ROCK1: variants seen among roughly 807,000 people sequenced by gnomAD.
ROCK1 encodes the protein Rho associated coiled-coil containing protein kinase 1, also known as rho-associated protein kinase 1.
ROCK1 carries 36 observed loss-of-function variants against 196.8 expected under a neutral mutation model. The ratio of observed to expected loss-of-function variants is 0.18; its 90% confidence interval spans 0.14 to 0.24. The LOEUF is 0.24. ROCK1 is among the 10% of genes least tolerant of loss of function. The pLI is 1.00. For synonymous variants in ROCK1, 443 were observed against 515.9 expected (o/e 0.86, Z 1.91); for missense variants, 920 against 1,562.0 (o/e 0.59, Z 6.93).
chr18:21,055,013 G>C (rs1242841438), intron 2 of ROCK1, among the ~76,000 whole-genome samples: 1 of 152,046 alleles, frequency 6.6e-6, no homozygotes, highest in Non-Finnish European at 1.5e-5. Context: ...TTCCCTCGTT[G>C]CACTGATAGC....
Position 21,088,009 on chromosome 18 carries a change from T to C in ROCK1, c.94-17396A>G, listed in dbSNP as rs548243301. Among the ~76,000 whole-genome samples, 10 of 152,244 alleles carry C rather than the reference T, an allele frequency of 6.6e-5. No individual in the cohort carries two copies. In the East Asian group the frequency reaches 1.7e-3, roughly 26 times the overall value. On this transcript the variant is annotated intron_variant, in intron 1 of 32. Transcript: ENST00000399799. ...CAAACTACAATAAATAAGAAAAAGA[T>C]AGTAGGGAAATCTCCAAACACTTGG...
chr18:21,102,195 TTTTG>T (rs976877676), intron 1 of ROCK1, among the ~76,000 whole-genome samples: 36 of 152,322 alleles, frequency 2.4e-4, no homozygotes, highest in African/African-American at 7.5e-4. Context: ...AAAATTGTGA[TTTTG>T]TTTGTCTACG....
intron 19 of ROCK1, among the ~76,000 whole-genome samples, chr18:20,984,948 A>G (rs540774322): frequency 1.3e-5 from 2 of 152,086 alleles, no homozygotes; most frequent in African/African-American, 2.4e-5. Flanking sequence ...CCCTGTCTCT[A>G]CAAAAAAATA....
At chr18:21,109,913 G>A (rs75697081) in intron 1 of ROCK1, among the ~76,000 whole-genome samples, 1 of 152,044 alleles carries the variant, frequency 6.6e-6, no homozygotes, top group Non-Finnish European at 1.5e-5. Flanking sequence ...CCATATACAT[G>A]CTCCCTGAAA....
At chr18:21,007,852 CTACT>C (rs1431754579) in intron 14 of ROCK1, among the ~76,000 whole-genome samples, 2 of 152,158 alleles carry the variant, frequency 1.3e-5, no homozygotes, top group East Asian at 3.9e-4. Context: ...TAGTTAAATG[CTACT>C]TACTATTTAC....
intron 12 of ROCK1, among the ~76,000 whole-genome samples, chr18:21,015,979 C>CAA (rs561684521): frequency 4.7e-5 from 6 of 127,168 alleles, no homozygotes; most frequent in Non-Finnish European, 1.7e-5. Context: ...GACTCCATCT[C>CAA]AAAAAAAAAA....
intron 8 of ROCK1, 41 bp downstream of exon 8, chr18:21,042,056 G>A: frequency 6.4e-7 from 1 of 1,561,938 alleles, no homozygotes; most frequent in South Asian, 1.2e-5. Context: ...AAGATGAGAA[G>A]TCCTCAGAAT....
chr18:21,089,504 C>A (rs1443896351), intron 1 of ROCK1, among the ~76,000 whole-genome samples: 2 of 152,162 alleles, frequency 1.3e-5, no homozygotes, highest in African/African-American at 4.8e-5. Flanking sequence ...TGGTTTGAAG[C>A]GTGAAAATCT....
intron 1 of ROCK1, among the ~76,000 whole-genome samples, chr18:21,101,210 G>A (rs2036656736): frequency 6.6e-6 from 1 of 152,118 alleles, no homozygotes; most frequent in South Asian, 2.1e-4. Flanking sequence ...AATGTGAAAG[G>A]AATAACAGAA....
chr18:21,108,143 G>A (rs1426442797), intron 1 of ROCK1, among the ~76,000 whole-genome samples: 2 of 152,038 alleles, frequency 1.3e-5, no homozygotes, highest in South Asian at 2.1e-4. Context: ...AAACAGCTGT[G>A]GAACTAAACA....
intron 21 of ROCK1, among the ~76,000 whole-genome samples, chr18:20,981,933 C>A (rs1287216863): frequency 6.6e-6 from 1 of 152,098 alleles, no homozygotes; most frequent in Admixed American, 6.6e-5. Context: ...AGAAAAAAGA[C>A]AAATCTTAAA....
At chr18:21,036,950 A>G (rs1323234632) in intron 9 of ROCK1, among the ~76,000 whole-genome samples, 1 of 152,126 alleles carries the variant, frequency 6.6e-6, no homozygotes, top group African/African-American at 2.4e-5. Context: ...ACTGCCAACA[A>G]TTGTCAATTC....
chr18:21,099,113 T>A (rs1210732718), intron 1 of ROCK1, among the ~76,000 whole-genome samples: 1 of 152,088 alleles, frequency 6.6e-6, no homozygotes, highest in Admixed American at 6.6e-5. Flanking sequence ...CTGGTAAAAA[T>A]ATAAACAACT....
chr18:21,074,027 G>T (rs561196842), intron 1 of ROCK1, among the ~76,000 whole-genome samples: 15 of 152,072 alleles, frequency 9.9e-5, no homozygotes, highest in African/African-American at 3.4e-4. Context: ...GCGTGGTGCC[G>T]CATGCTTGCA....
chr18:20,982,642 T>C (rs1274909225), intron 21 of ROCK1, 121 bp downstream of exon 21: 3 of 542,440 alleles, frequency 5.5e-6, no homozygotes, highest in Non-Finnish European at 9.9e-6. Context: ...AAAGTCACAA[T>C]GTTTATTAGA....
intron 1 of ROCK1, among the ~76,000 whole-genome samples, chr18:21,086,845 A>C (rs1213030569): frequency 6.6e-6 from 1 of 152,140 alleles, no homozygotes; most frequent in Non-Finnish European, 1.5e-5. Context: ...AATAATGGTT[A>C]AAGGAAATTC....
chr18:21,102,189 T>C (rs965967899), intron 1 of ROCK1, among the ~76,000 whole-genome samples: 4 of 152,180 alleles, frequency 2.6e-5, no homozygotes, highest in African/African-American at 9.7e-5. Context: ...TCCCAAAAAA[T>C]TGTGATTTTG....
intron 1 of ROCK1, among the ~76,000 whole-genome samples, chr18:21,110,510 T>C (rs1180730202): frequency 2.0e-5 from 3 of 152,202 alleles, no homozygotes; most frequent in East Asian, 1.9e-4. Context: ...ACTGTATACA[T>C]TGCAGTAACT....
intron 13 of ROCK1, among the ~76,000 whole-genome samples, chr18:21,014,259 C>G (rs894021700): frequency 6.6e-6 from 1 of 152,072 alleles, no homozygotes; most frequent in Admixed American, 6.5e-5. Flanking sequence ...TCCGGCACCC[C>G]GTCTAGGATA....
Sources: allele counts gnomAD v4.1 joint callset (sites outside exome capture counted in the v4.1 genomes callset), GRCh38; gene constraint gnomAD v4.1.1; transcripts MANE v1.5; gene names NCBI Gene and HGNC (gene_info 2026-07-23, HGNC 2026-07-21).